Variants in CDH23 observed in about 807,000 individuals in gnomAD.
CDH23 encodes cadherin related 23.
CDH23 carries 189 observed loss-of-function variants against 317.1 expected under a neutral mutation model. That is an observed-to-expected ratio of 0.60 (90% CI 0.53 to 0.67). CDH23 has a LOEUF of 0.67. CDH23 is among the 30% of genes least tolerant of loss of function. CDH23 has a pLI of 0.00. For synonymous variants in CDH23, 1,839 were observed against 1,876.8 expected, an observed-to-expected ratio of 0.98 and a Z score of 0.52; for missense variants, 4,401 against 4,592.4, an observed-to-expected ratio of 0.96 and a Z score of 1.20.
Position 71,809,935 on chromosome 10 carries a change from C to A in CDH23, c.8838C>A (p.Ile2946=). ...CAGGCCACAACGACACGGCCATCAT[C>A]GGCATCTACATCCTGAGGGACGACC... The part of the protein sequence containing the change: ...DLAGHNDTAI[I]GIYILRDDQR... Residue 2946 remains isoleucine, a synonymous_variant, in exon 61 of 70, where the codon ATC becomes ATA. Transcript: ENST00000224721. 6.2e-7 allele frequency: 1 copy of A among 1,612,890 alleles called. No homozygotes were observed. Among genetic ancestry groups the A allele is most frequent in the Non-Finnish European group, 8.5e-7 (1 of 1,179,892 alleles).
chr10:71,771,202 C>G (rs1035094856), intron 38 of CDH23, among the ~76,000 whole-genome samples: 1 of 152,190 alleles, frequency 6.6e-6, no homozygotes, highest in Non-Finnish European at 1.5e-5. Context: ...CTCTGCTACC[C>G]TTGAGATCTG....
intron 1 of CDH23, among the ~76,000 whole-genome samples, chr10:71,413,678 G>GTCTTC (rs945200906): frequency 2.0e-5 from 3 of 151,964 alleles, no homozygotes; most frequent in African/African-American, 7.3e-5. Context: ...ATTTATTTAT[G>GTCTTC]TCTTCTTTAC....
chr10:71,815,871 A>C lies in CDH23; in HGVS notation c.*593A>C, dbSNP rs1343841520. The C allele has an allele frequency of 6.4e-6, 1 of 156,912 alleles. No homozygotes were observed. Among genetic ancestry groups the C allele is most frequent in the Non-Finnish European group, 1.4e-5 (1 of 70,632 alleles). 9.7% of individuals were successfully genotyped at this position (156,912 alleles called of 1,614,324 possible). A position where few individuals can be genotyped will look rare whatever the true frequency, so the allele number is the denominator to read the frequency against. ...AATGTGTGCCCAGCTTATAAACAGA[A>C]GTGACTGATGTTCCCTCCGGTTTTG... On this transcript the variant is annotated 3_prime_UTR_variant, in exon 70 of 70. Transcript: ENST00000224721.
intron 48 of CDH23, among the ~76,000 whole-genome samples, chr10:71,794,174 G>C (rs896167090): frequency 6.6e-6 from 1 of 152,112 alleles, no homozygotes; most frequent in Admixed American, 6.6e-5. Context: ...GCTAATTTTT[G>C]TATTTTTAGT....
At position 71,791,143 on chromosome 10, in the gene CDH23, G is replaced by A. The variant is rs923700936; in HGVS notation, c.6061G>A (p.Val2021Met). The A allele has an allele frequency of 1.4e-5, 23 of 1,607,932 alleles. No homozygotes were observed. The highest frequency in any genetic ancestry group is 6.7e-5 in the East Asian group (3 of 44,636). ...GCACCGGGTGCCAGGTGTGGTGACC[G>A]TGAGGTCAGGTGTCATCATTGACCG... ...DINSSTGVVT[V>M]RSGVIIDREA... The change falls in exon 47 of 70, where the codon GTG becomes ATG. Residue 2021 changes from valine (V) to methionine (M), a missense_variant. Physicochemically the swap from Val to Met is conservative, Grantham distance 21 (BLOSUM62 1). Coordinates refer to ENST00000224721, the MANE Select transcript of CDH23 (RefSeq NM_022124.6).
chr10:71,667,367 T>TGTGTGG (rs1863952763), intron 14 of CDH23, among the ~76,000 whole-genome samples: 1 of 39,330 alleles, frequency 2.5e-5, no homozygotes, highest in Non-Finnish European at 7.6e-5. Flanking sequence ...AGAGTGTGTG[T>TGTGTGG]GTGTGTGTGT....
In CDH23 at chr10:71,815,029, A is replaced by G. The variant is rs913355027; in HGVS notation, c.9816A>G (p.Pro3272=). The change falls in exon 70 of 70, where the codon CCA becomes CCG. Residue 3272 remains proline, a synonymous_variant. Transcript: ENST00000224721. The part of the protein sequence containing the change: ...GQGSLRFRHK[P]PVELKGPDGI... Reference sequence around the variant, plus strand: ...GTAGCCTGCGCTTCCGCCACAAGCCACCAGTGGAGCTCAAGGGGCCCGATG... The same window carrying G: ...GTAGCCTGCGCTTCCGCCACAAGCCGCCAGTGGAGCTCAAGGGGCCCGATG... The G allele has an allele frequency of 1.2e-5, 19 of 1,612,646 alleles. No homozygotes were observed. The highest frequency in any genetic ancestry group is 1.5e-5 in the Non-Finnish European group (18 of 1,179,752).
Position 71,812,628 on chromosome 10 carries a change from G to C in CDH23, c.9510+19G>C. On this transcript the variant is annotated intron_variant, in intron 67 of 69. Transcript: ENST00000224721. ...CACCCATGTGAGCCAGAGGCGGTCA[G>C]GCATCACAAGGGGCAGGGGTGGAGG... 1 of 1,602,180 alleles carries C rather than the reference G, an allele frequency of 6.2e-7. No homozygotes were observed. The highest frequency in any genetic ancestry group is 8.5e-7 in the Non-Finnish European group (1 of 1,179,358).
chr10:71,644,189 C>T (rs1320539409), intron 12 of CDH23, among the ~76,000 whole-genome samples: 1 of 152,242 alleles, frequency 6.6e-6, no homozygotes, highest in Non-Finnish European at 1.5e-5. Context: ...CCCCACATCC[C>T]CTGGGGAGCC....
chr10:71,609,951 C>CGCTCCCCCGT (rs1053104463), intron 9 of CDH23, among the ~76,000 whole-genome samples: 3 of 142,772 alleles, frequency 2.1e-5, no homozygotes, highest in African/African-American at 7.8e-5. Context: ...AGGACTCCCC[C>CGCTCCCCCGT]GTGTGTGTGT....
intron 28 of CDH23, among the ~76,000 whole-genome samples, chr10:71,720,210 C>G (rs995352065): frequency 1.3e-5 from 2 of 152,202 alleles, no homozygotes; most frequent in Admixed American, 6.5e-5. Flanking sequence ...TGCAGCGTCC[C>G]TGGGCCCCAT....
intron 1 of CDH23, among the ~76,000 whole-genome samples, chr10:71,427,174 AGAAG>A (rs367720086): frequency 5.5e-5 from 5 of 90,450 alleles, no homozygotes; most frequent in Admixed American, 4.8e-4. Context: ...AAAAAAAGAA[AGAAG>A]GAAGGAAGGA....
intron 2 of CDH23, among the ~76,000 whole-genome samples, chr10:71,443,520 A>C (rs1051001875): frequency 3.3e-5 from 5 of 152,216 alleles, no homozygotes; most frequent in African/African-American, 4.8e-5. Context: ...GCTAGAACTA[A>C]GTAAAGCAGG....
chr10:71,441,827 C>T (rs1849900824), intron 2 of CDH23, among the ~76,000 whole-genome samples: 1 of 152,200 alleles, frequency 6.6e-6, no homozygotes, highest in Non-Finnish European at 1.5e-5. Flanking sequence ...CTTGAGCTCT[C>T]CAGATGAAAG....
At chr10:71,488,901 G>A (rs1043292300) in intron 3 of CDH23, among the ~76,000 whole-genome samples, 1 of 152,172 alleles carries the variant, frequency 6.6e-6, no homozygotes, top group African/African-American at 2.4e-5. Flanking sequence ...GTACCTTTCA[G>A]TACTTTCAGT....
At chr10:71,759,535 C>G (rs994064519) in intron 38 of CDH23, among the ~76,000 whole-genome samples, 1 of 151,404 alleles carries the variant, frequency 6.6e-6, no homozygotes, top group African/African-American at 2.4e-5. Context: ...TGAGGCCAGG[C>G]GTGGTGACTC....
chr10:71,518,908 T>C (rs982877015), intron 6 of CDH23, among the ~76,000 whole-genome samples: 2 of 152,178 alleles, frequency 1.3e-5, no homozygotes, highest in African/African-American at 4.8e-5. Context: ...TCATGTCCCC[T>C]GTAACACCAC....
intron 14 of CDH23, among the ~76,000 whole-genome samples, chr10:71,672,300 G>A (rs1393394219): frequency 6.6e-6 from 1 of 152,084 alleles, no homozygotes; most frequent in African/African-American, 2.4e-5. Context: ...GTGTAGGAGG[G>A]GAGGGGTTTT....
chr10:71,564,689 G>A lies in CDH23; in HGVS notation c.430-2053G>A, dbSNP rs980965504. On this transcript the variant is annotated intron_variant, in intron 6 of 69. Transcript: ENST00000224721. ...CGGGAGCCGTCCCTCTCCTCTGGGC[G>A]CCAGCTTCATACAGAGTGGTTTAAG... Among the ~76,000 whole-genome samples, 6 of 152,324 alleles carry A rather than the reference G, an allele frequency of 3.9e-5. 1 individual carries two copies. Among genetic ancestry groups the A allele is most frequent in the Middle Eastern group, 3.4e-3 (1 of 294 alleles).
Sources: gnomAD v4.1 joint callset for allele counts (sites outside exome capture counted in the v4.1 genomes callset) on GRCh38, gnomAD v4.1.1 for gene constraint, MANE v1.5 for transcripts, NCBI Gene and HGNC (gene_info 2026-07-23, HGNC 2026-07-21) for gene names.